The following VSTM4 variants were observed in gnomAD, a reference collection of about 807,000 sequenced individuals.
The protein encoded by VSTM4 is V-set and transmembrane domain containing 4.
Under a neutral mutation model 36.4 loss-of-function variants are expected in VSTM4, and 20 were observed. That is an observed-to-expected ratio of 0.55 (90% confidence interval 0.39 to 0.80). The LOEUF is 0.80. VSTM4 is among the 30% of genes least tolerant of loss of function. The pLI is 0.00. For missense variants in VSTM4, 392 were observed against 404.5 expected (o/e 0.97, Z 0.26); for synonymous variants, 182 against 173.9 (o/e 1.05, Z -0.37).
chr10:49,071,890 G>C (rs1487068414), intron 4 of VSTM4, among the ~76,000 whole-genome samples: 1 of 152,196 alleles, frequency 6.6e-6, no homozygotes, highest in Non-Finnish European at 1.5e-5. Context: ...CAACTGCATA[G>C]AGAGACTGGA....
Position 49,019,710 on chromosome 10 carries a change from G to T in VSTM4, c.903C>A (p.Ala301=), listed in dbSNP as rs147018903. 3.1e-6 allele frequency: 5 copies of T among 1,614,040 alleles called. No homozygotes were observed. In the African/African-American group the frequency reaches 5.3e-5, roughly 17 times the overall value. Reference sequence around the variant, plus strand: ...AGACAGTGCTGGTGGGGGCGCCTTTGGCAGCCCGGTGGGGTTTGATCAGCT... The same window carrying T: ...AGACAGTGCTGGTGGGGGCGCCTTTTGCAGCCCGGTGGGGTTTGATCAGCT... The part of the protein sequence containing the change: ...ELELIKPHRA[A]KGAPTSTVYA... Residue 301 remains alanine, a synonymous_variant, in exon 8 of 8, where the codon GCC becomes GCA. Transcript: ENST00000332853.
intron 3 of VSTM4, among the ~76,000 whole-genome samples, chr10:49,081,271 G>T (rs1410581650): frequency 6.6e-6 from 1 of 152,202 alleles, no homozygotes; most frequent in Admixed American, 6.5e-5. Context: ...AGAACCTCAG[G>T]CAGGTGAACA....
rs957204594 is a variant in VSTM4 at position 49,017,607 on chromosome 10, G to C, written c.*2043C>G. ...CTTTGGATTTAAGTGGGTGGGTTTG[G>C]GGGTGAATGAAGTTCATTTCCGTTC... On this transcript the variant is annotated 3_prime_UTR_variant, in exon 8 of 8. Coordinates refer to ENST00000332853, the MANE Select transcript of VSTM4 (RefSeq NM_001031746.5). The C allele has an allele frequency of 6.6e-6, 1 of 152,214 alleles. No homozygotes were observed. The highest frequency in any genetic ancestry group is 1.5e-5 in the Non-Finnish European group (1 of 68,066). The allele number at this position is 152,214 out of a possible 1,614,324, so 9.4% of individuals were successfully genotyped here.
intron 7 of VSTM4, among the ~76,000 whole-genome samples, chr10:49,040,661 T>G (rs1382349139): frequency 1.3e-5 from 2 of 152,240 alleles, no homozygotes; most frequent in African/African-American, 4.8e-5. Context: ...ACACACTTCT[T>G]GCAAAATGCA....
intron 7 of VSTM4, among the ~76,000 whole-genome samples, chr10:49,026,476 A>G (rs1843263650): frequency 6.6e-6 from 1 of 152,264 alleles, no homozygotes; most frequent in Admixed American, 6.5e-5. Context: ...CCTAAAACAC[A>G]AATAAAAACC....
chr10:49,035,348 T>A (rs974014655), intron 7 of VSTM4, among the ~76,000 whole-genome samples: 2 of 152,220 alleles, frequency 1.3e-5, no homozygotes, highest in African/African-American at 4.8e-5. Flanking sequence ...GAATCAGTGA[T>A]GCATTAAACA....
In VSTM4 at chr10:49,077,211, T is replaced by G. The variant is rs909025738; in HGVS notation, c.634+8A>C. On this transcript the variant is annotated splice_region_variant and intron_variant, in intron 4 of 7. Coordinates refer to ENST00000332853, the MANE Select transcript of VSTM4 (RefSeq NM_001031746.5). ...CCATCCCAGACATGACCTTATCTGT[T>G]TTCTTACCTCTGGATTTCCGCTTGT... 11 of 1,613,426 alleles carry G rather than the reference T, an allele frequency of 6.8e-6. No homozygotes were observed. Among genetic ancestry groups the G allele is most frequent in the Non-Finnish European group, 9.3e-6 (11 of 1,179,960 alleles).
At chr10:49,038,927 G>A (rs907200464) in intron 7 of VSTM4, among the ~76,000 whole-genome samples, 2 of 152,142 alleles carry the variant, frequency 1.3e-5, no homozygotes, top group East Asian at 1.9e-4. Context: ...ACCTGTGGAG[G>A]AGCAACAGCC....
chr10:49,048,357 A>T, intron 6 of VSTM4, 121 bp downstream of exon 6: 1 of 889,142 alleles, frequency 1.1e-6, no homozygotes. Context: ...CATAATCATT[A>T]AATGTCATGT....
In VSTM4 at chr10:49,048,475, T is replaced by A. The variant is rs759869017; in HGVS notation, c.775+3A>T. 18 of 1,583,466 alleles carry A rather than the reference T, an allele frequency of 1.1e-5. No homozygotes were observed. Among genetic ancestry groups the A allele is most frequent in the Non-Finnish European group, 8.5e-7 (1 of 1,170,380 alleles). The stretch of plus-strand genomic sequence containing the variant: ...GGTAAGAAACTGCAGGCCAGCTCCT[T>A]ACCTTTGGCAGGGACTGCGGGAGGA... On this transcript the variant is annotated splice_donor_region_variant and intron_variant, in intron 6 of 7. Coordinates refer to ENST00000332853, the MANE Select transcript of VSTM4 (RefSeq NM_001031746.5).
chr10:49,092,875 G>A (rs564077004), intron 2 of VSTM4, among the ~76,000 whole-genome samples: 12 of 152,132 alleles, frequency 7.9e-5, no homozygotes, highest in Non-Finnish European at 1.6e-4. Flanking sequence ...CACACAGACA[G>A]GCACTGGTAT....
chr10:49,092,184 C>T (rs1844487075), intron 2 of VSTM4, among the ~76,000 whole-genome samples: 1 of 152,238 alleles, frequency 6.6e-6, no homozygotes, highest in South Asian at 2.1e-4. Context: ...GAAGAATCAA[C>T]TGGGCTCTTA....
At chr10:49,023,229 G>A (rs1843207921) in intron 7 of VSTM4, among the ~76,000 whole-genome samples, 1 of 152,212 alleles carries the variant, frequency 6.6e-6, no homozygotes. Context: ...AAGATAAGAT[G>A]CATAATATCA....
At position 49,015,805 on chromosome 10, in the gene VSTM4, G is replaced by T. The variant is rs1395143478; in HGVS notation, c.*3845C>A. 1.3e-5 allele frequency: 2 copies of T among 152,204 alleles called. No individual in the cohort carries two copies. The highest frequency in any genetic ancestry group is 1.3e-4 in the Admixed American group (2 of 15,278). The allele number at this position is 152,204 out of a possible 1,614,324, so 9.4% of individuals were successfully genotyped here. A position where few individuals can be genotyped will look rare whatever the true frequency, so the allele number is the denominator to read the frequency against. On this transcript the variant is annotated 3_prime_UTR_variant, in exon 8 of 8. Coordinates refer to ENST00000332853, the MANE Select transcript of VSTM4 (RefSeq NM_001031746.5). ...CCTAAGCTTTAGGCTGACACAAAAAGACTCCCTCCAGCATGCAAGTGGCAT... is the reference window on the plus strand; with the variant it reads ...CCTAAGCTTTAGGCTGACACAAAAATACTCCCTCCAGCATGCAAGTGGCAT...
rs570058383 is a variant in VSTM4, at chr10:49,102,538, G to A, written c.457+5056C>T. 1.1e-4 allele frequency: 112 copies of A among 985,442 alleles called. No individual in the cohort carries two copies. The African/African-American group carries it at 1.8e-3, about 16-fold the overall frequency. The allele number at this position is 985,442 out of a possible 1,614,324, so 61.0% of individuals were successfully genotyped here. ...TGTGTCTACAGTGCTAAAAACAGAAGCTACAAGATGTTGCCAGTGGGAGAG... is the reference window on the plus strand; with the variant it reads ...TGTGTCTACAGTGCTAAAAACAGAAACTACAAGATGTTGCCAGTGGGAGAG... On this transcript the variant is annotated intron_variant, in intron 2 of 7. Coordinates refer to ENST00000332853, the MANE Select transcript of VSTM4 (RefSeq NM_001031746.5).
At chr10:49,055,900 C>T (rs942532648) in intron 5 of VSTM4, among the ~76,000 whole-genome samples, 15 of 152,250 alleles carry the variant, frequency 9.9e-5, no homozygotes, top group African/African-American at 2.7e-4. Flanking sequence ...ATTATTACCA[C>T]AGAAAATGCT....
At chr10:49,056,006 T>C (rs1249774229) in intron 5 of VSTM4, among the ~76,000 whole-genome samples, 1 of 152,250 alleles carries the variant, frequency 6.6e-6, no homozygotes, top group African/African-American at 2.4e-5. Flanking sequence ...CCCTTGCGGG[T>C]TGCAAAGCTG....
At position 49,085,947 on chromosome 10, in the gene VSTM4, A is replaced by G; in HGVS notation, c.526+8T>C. The G allele has an allele frequency of 6.4e-7, 1 of 1,566,062 alleles. No individual in the cohort carries two copies. Among genetic ancestry groups the G allele is most frequent in the Non-Finnish European group, 8.7e-7 (1 of 1,152,748 alleles). ...GAGCAATAAAAAAAAGAAATATACA[A>G]GCTTTACCTTCAAAAAATGCCCAAG... On this transcript the variant is annotated splice_region_variant and intron_variant, in intron 3 of 7. Transcript: ENST00000332853.
chr10:49,025,223 G>T (rs545999652), intron 7 of VSTM4, among the ~76,000 whole-genome samples: 1 of 152,298 alleles, frequency 6.6e-6, no homozygotes, highest in South Asian at 2.1e-4. Context: ...GTGGTGTTTT[G>T]TTATGGCAGC....
Sources: allele counts gnomAD v4.1 joint callset (sites outside exome capture counted in the v4.1 genomes callset), GRCh38; gene constraint gnomAD v4.1.1; transcripts MANE v1.5; gene names NCBI Gene and HGNC (gene_info 2026-07-23, HGNC 2026-07-21).